The following FBXO27 variants were observed in gnomAD, a reference collection of about 807,000 sequenced individuals.
FBXO27 encodes F-box only protein 27.
In FBXO27, 28 loss-of-function variants were observed where a neutral mutation model predicts 28.3. The ratio of observed to expected loss-of-function variants is 0.99; its 90% CI spans 0.73 to 1.36. The LOEUF is 1.36. FBXO27 is among the 40% of genes most tolerant of loss of function. The pLI is 0.00. For missense variants in FBXO27, 388 were observed against 394.1 expected (o/e 0.98, Z 0.13); for synonymous variants, 175 against 167.3 (o/e 1.05, Z -0.36).
intron 1 of FBXO27, among the ~76,000 whole-genome samples, chr19:39,016,039 T>C (rs1335836390): frequency 6.6e-6 from 1 of 152,146 alleles, no homozygotes; most frequent in Non-Finnish European, 1.5e-5. Context: ...GCCACTGCAC[T>C]CTAGCCTGGG....
intron 2 of FBXO27, among the ~76,000 whole-genome samples, chr19:39,012,560 A>C (rs1250165257): frequency 6.6e-6 from 1 of 152,246 alleles, no homozygotes; most frequent in Non-Finnish European, 1.5e-5. Flanking sequence ...TCACAGAAGA[A>C]ACATTTTTAT....
At chr19:39,015,789 G>A (rs1015336258) in intron 1 of FBXO27, among the ~76,000 whole-genome samples, 1 of 151,820 alleles carries the variant, frequency 6.6e-6, no homozygotes, top group Admixed American at 6.6e-5. Flanking sequence ...ATCAGTGGTC[G>A]GCCAGGCGAG....
chr19:39,014,276 A>G (rs1299563236), intron 2 of FBXO27: 1 of 152,254 alleles, frequency 6.6e-6, no homozygotes, highest in Admixed American at 6.6e-5. Flanking sequence ...TGAATTCAGG[A>G]AGCCACAAGT....
chr19:39,010,050 T>C (rs1239047001), intron 2 of FBXO27, among the ~76,000 whole-genome samples: 2 of 152,076 alleles, frequency 1.3e-5, no homozygotes, highest in Non-Finnish European at 2.9e-5. Flanking sequence ...ACTCAAGTGA[T>C]CCTTCTGCCT....
At chr19:39,027,268 G>A (rs897476009) in intron 4 of FBXO27, among the ~76,000 whole-genome samples, 2 of 152,134 alleles carry the variant, frequency 1.3e-5, no homozygotes, top group African/African-American at 4.8e-5. Context: ...GGGAGTCTCC[G>A]GAAAGACCCA....
rs139767377 is a variant in FBXO27 at position 39,025,504 on chromosome 19, G to A, written c.759C>T (p.Phe253=). The stretch of plus-strand genomic sequence containing the variant: ...ACTGTGTGTCCTGGCCCCGGTGTTC[G>A]AAAGACACAAAGCGGACGCCCATCT... ...NIKMGVRFVS[F]EHRGQDTQFW... The change falls in exon 6 of 6, where the codon TTC becomes TTT. Residue 253 remains phenylalanine, a synonymous_variant. Transcript: ENST00000292853. 11 of 1,614,134 alleles carry A rather than the reference G, an allele frequency of 6.8e-6. No homozygotes were observed. The highest frequency in any genetic ancestry group is 2.2e-5 in the East Asian group (1 of 44,880).
intron 2 of FBXO27, among the ~76,000 whole-genome samples, chr19:39,013,502 T>C (rs1172297495): frequency 6.6e-6 from 1 of 151,536 alleles, no homozygotes; most frequent in Non-Finnish European, 1.5e-5. Flanking sequence ...TGGTGGCGTA[T>C]GCCTGTAATC....
chr19:39,028,722 G>T (rs1441861315), intron 4 of FBXO27, among the ~76,000 whole-genome samples: 2 of 152,076 alleles, frequency 1.3e-5, no homozygotes. Context: ...AATTAGCCAG[G>T]CGTGGTGGTA....
At chr19:39,015,072 T>C (rs1469964499) in intron 1 of FBXO27, among the ~76,000 whole-genome samples, 7 of 148,914 alleles carry the variant, frequency 4.7e-5, no homozygotes, top group South Asian at 2.1e-4. Flanking sequence ...TCCCAGCACA[T>C]TGGGAGGCCA....
At position 39,024,268 on chromosome 19, in the gene FBXO27, C is replaced by T. The variant is rs1340792857; in HGVS notation, c.*1143G>A. On this transcript the variant is annotated 3_prime_UTR_variant, in exon 6 of 6. Coordinates refer to ENST00000292853, the MANE Select transcript of FBXO27 (RefSeq NM_178820.5). The stretch of plus-strand genomic sequence containing the variant: ...TTGAGACAGGGTCTCGCTCTGTCAC[C>T]CAGGCTGGAGTGCAGTGGTATGATC... 1.3e-5 allele frequency: 2 copies of T among 152,144 alleles called. No homozygotes were observed. Among genetic ancestry groups the T allele is most frequent in the South Asian group, 4.1e-4 (2 of 4,822 alleles). 9.4% of individuals were successfully genotyped at this position (152,144 alleles called of 1,614,324 possible). A position where few individuals can be genotyped will look rare whatever the true frequency, so the allele number is the denominator to read the frequency against.
intron 2 of FBXO27, among the ~76,000 whole-genome samples, chr19:39,007,727 C>G (rs1975745993): frequency 6.6e-6 from 1 of 152,150 alleles, no homozygotes. Flanking sequence ...ACTGCAACCT[C>G]CGCCTCCCAG....
downstream of FBXO27, among the ~76,000 whole-genome samples, chr19:39,023,677 G>A (rs951165920): frequency 2.6e-5 from 4 of 151,684 alleles, no homozygotes; most frequent in Non-Finnish European, 4.4e-5. Flanking sequence ...GCAGTGATGC[G>A]ATCCTGGCTC....
chr19:39,007,942 G>A (rs749086708), intron 2 of FBXO27, among the ~76,000 whole-genome samples: 7 of 151,982 alleles, frequency 4.6e-5, no homozygotes, highest in African/African-American at 1.4e-4. Flanking sequence ...GTGAGCCACC[G>A]CACTCTGCCT....
chr19:39,025,594 C>G (rs780996330), intron 5 of FBXO27, 40 bp from the exon 6 acceptor site: 27 of 1,587,072 alleles, frequency 1.7e-5, no homozygotes, highest in Non-Finnish European at 2.2e-5. Flanking sequence ...TGTGCCACAG[C>G]CTCCCCTCCA....
chr19:39,021,187 A>G (rs1270105060), downstream of FBXO27, among the ~76,000 whole-genome samples: 1 of 152,192 alleles, frequency 6.6e-6, no homozygotes, highest in East Asian at 1.9e-4. Context: ...CTTTCACAAC[A>G]TGGACCCCTC....
chr19:39,007,471 G>C (rs938957864), intron 2 of FBXO27, among the ~76,000 whole-genome samples: 3 of 152,086 alleles, frequency 2.0e-5, no homozygotes, highest in Non-Finnish European at 4.4e-5. Flanking sequence ...ATTCAAATCA[G>C]TCCAGCAGCT....
rs911360231 is a variant in FBXO27, at chr19:39,024,077, A to G, written c.*1334T>C. 2 of 152,202 alleles carry G rather than the reference A, an allele frequency of 1.3e-5. No individual in the cohort carries two copies. Among genetic ancestry groups the G allele is most frequent in the Non-Finnish European group, 2.9e-5 (2 of 68,042 alleles). 9.4% of individuals were successfully genotyped at this position (152,202 alleles called of 1,614,324 possible). Reference sequence around the variant, plus strand: ...ATTGGCAGATACATGCTGCTGATATATTATTCTTACTGTTTGAAAAAAAGT... The same window carrying G: ...ATTGGCAGATACATGCTGCTGATATGTTATTCTTACTGTTTGAAAAAAAGT... On this transcript the variant is annotated 3_prime_UTR_variant, in exon 6 of 6. Transcript: ENST00000292853.
intron 2 of FBXO27, among the ~76,000 whole-genome samples, chr19:39,010,345 C>T (rs1167608636): frequency 6.6e-6 from 1 of 152,054 alleles, no homozygotes; most frequent in Non-Finnish European, 1.5e-5. Flanking sequence ...TTATCTGGCA[C>T]CATTTGTTGA....
At position 39,031,329 on chromosome 19, in the gene FBXO27, T is replaced by TA; in HGVS notation, c.365-10dup. The TA allele has an allele frequency of 6.2e-7, 1 of 1,613,136 alleles. No individual in the cohort carries two copies. The highest frequency in any genetic ancestry group is 8.5e-7 in the Non-Finnish European group (1 of 1,179,526). On this transcript the variant is annotated splice_polypyrimidine_tract_variant and intron_variant, in intron 2 of 5. Coordinates refer to ENST00000292853, the MANE Select transcript of FBXO27 (RefSeq NM_178820.5). ...CCACTTTCGGAGGCCTTCTGTGAAA[T>TA]AAAAAAGGCTTGTGCCCAAGTTCCA...
Sources: allele counts gnomAD v4.1 joint callset (sites outside exome capture counted in the v4.1 genomes callset), GRCh38; gene constraint gnomAD v4.1.1; transcripts MANE v1.5; gene names NCBI Gene and HGNC (gene_info 2026-07-23, HGNC 2026-07-21).